MAST4: variants seen among roughly 807,000 people sequenced by gnomAD.
MAST4 encodes microtubule-associated serine/threonine-protein kinase 4.
A neutral mutation model predicts 162.7 loss-of-function variants in MAST4; 89 were observed. That is an observed-to-expected ratio of 0.55 (90% CI 0.46 to 0.65). MAST4 has a LOEUF of 0.65. Ranked by LOEUF, MAST4 falls within the 30% of genes least tolerant of loss-of-function variation. The pLI, the probability that MAST4 is intolerant of heterozygous loss-of-function variation, is 0.00. For synonymous variants in MAST4, 1,479 were observed against 1,361.1 expected, an observed-to-expected ratio of 1.09 and a Z score of -1.91; for missense variants, 3,153 against 3,374.0, an observed-to-expected ratio of 0.93 and a Z score of 1.62.
intron 3 of MAST4, among the ~76,000 whole-genome samples, chr5:66,871,198 T>C (rs1561400109): frequency 6.6e-6 from 1 of 152,198 alleles, no homozygotes. Context: ...TATATAGTTG[T>C]ATTATGTAGT....
At chr5:66,616,429 G>C (rs1297668622) in intron 1 of MAST4, among the ~76,000 whole-genome samples, 5 of 152,216 alleles carry the variant, frequency 3.3e-5, no homozygotes, top group African/African-American at 1.2e-4. Context: ...TAGCTGGCCA[G>C]TTGTCACCCA....
chr5:66,804,291 A>G (rs991743503), intron 3 of MAST4, among the ~76,000 whole-genome samples: 7 of 152,168 alleles, frequency 4.6e-5, no homozygotes, highest in Admixed American at 6.5e-5. Context: ...ATAAATCACA[A>G]TTCCCCAGTG....
intron 1 of MAST4, among the ~76,000 whole-genome samples, chr5:66,615,696 C>G (rs1342481486): frequency 6.6e-6 from 1 of 151,948 alleles, no homozygotes; most frequent in Non-Finnish European, 1.5e-5. Context: ...GCCTGTAGTC[C>G]CAGCTACTTG....
rs191194229 is a variant in MAST4, at chr5:67,058,299, C to T, written c.763+3807C>T. 7.9e-5 allele frequency among the ~76,000 whole-genome samples: 12 copies of T among 152,226 alleles called. No individual in the cohort carries two copies. In the East Asian group the frequency reaches 2.3e-3, roughly 29 times the overall value. ...CAGTGATAGCAAAGATATGGGAAAGCGGTCCCTTTCCCATGATCTAAGGGT... is the reference window on the plus strand; with the variant it reads ...CAGTGATAGCAAAGATATGGGAAAGTGGTCCCTTTCCCATGATCTAAGGGT... On this transcript the variant is annotated intron_variant, in intron 5 of 28. Transcript: ENST00000403625.
intron 4 of MAST4, chr5:66,930,607 T>C: frequency 4.8e-6 from 2 of 417,420 alleles, no homozygotes; most frequent in Non-Finnish European, 9.8e-6. Context: ...ATTAGGAAGT[T>C]TAAAATTTTT....
chr5:66,778,713 A>G (rs190022708), intron 2 of MAST4, among the ~76,000 whole-genome samples: 56 of 152,324 alleles, frequency 3.7e-4, no homozygotes, highest in Admixed American at 1.6e-3. Flanking sequence ...GGGTGAAAAG[A>G]TGACTTTATC....
chr5:66,721,697 T>G (rs1751220228), intron 1 of MAST4, among the ~76,000 whole-genome samples: 3 of 150,646 alleles, frequency 2.0e-5, no homozygotes, highest in Non-Finnish European at 4.4e-5. Flanking sequence ...GAACTCCAGA[T>G]GTGCACATCT....
chr5:66,845,156 A>G (rs1758755491), intron 3 of MAST4, among the ~76,000 whole-genome samples: 1 of 128,306 alleles, frequency 7.8e-6, no homozygotes, highest in Admixed American at 8.5e-5. Flanking sequence ...TCTAGGTTAC[A>G]TGTGCACAAC....
At chr5:67,048,773 A>G (rs1009177934) in intron 4 of MAST4, among the ~76,000 whole-genome samples, 1 of 151,764 alleles carries the variant, frequency 6.6e-6, no homozygotes, top group Non-Finnish European at 1.5e-5. Flanking sequence ...TAAATCACCT[A>G]GTCAATAGAA....
At chr5:66,704,827 T>G (rs1750025411) in intron 1 of MAST4, among the ~76,000 whole-genome samples, 1 of 152,198 alleles carries the variant, frequency 6.6e-6, no homozygotes, top group African/African-American at 2.4e-5. Flanking sequence ...TTGTTCTTGC[T>G]CCTTCACTTT....
At chr5:66,962,727 A>G (rs907469472) in intron 4 of MAST4, among the ~76,000 whole-genome samples, 2 of 152,170 alleles carry the variant, frequency 1.3e-5, no homozygotes, top group Non-Finnish European at 2.9e-5. Context: ...AACAAAAGAC[A>G]GGAAAGAAAC....
At chr5:66,837,874 ATATATATATATATATATATATTTTTTTT>A (rs1758094855) in intron 3 of MAST4, among the ~76,000 whole-genome samples, 1 of 44,982 alleles carries the variant, frequency 2.2e-5, no homozygotes, top group Admixed American at 2.6e-4. Flanking sequence ...TTATATATAT[ATATATATATATATATATATATTTTTTTT>A]TTTTTTTTTT....
chr5:66,994,576 CA>C (rs1278022038), intron 4 of MAST4, among the ~76,000 whole-genome samples: 2 of 152,082 alleles, frequency 1.3e-5, no homozygotes, highest in African/African-American at 4.8e-5. Flanking sequence ...GTTTTTTGAT[CA>C]CCAGGAACTT....
At chr5:66,646,945 T>A (rs1561235554) in intron 1 of MAST4, among the ~76,000 whole-genome samples, 1 of 152,220 alleles carries the variant, frequency 6.6e-6, no homozygotes, top group East Asian at 1.9e-4. Context: ...AACCTTTAAA[T>A]AAGATGTCTT....
chr5:67,023,515 C>G (rs1450576432), intron 4 of MAST4, among the ~76,000 whole-genome samples: 1 of 152,126 alleles, frequency 6.6e-6, no homozygotes, highest in African/African-American at 2.4e-5. Context: ...CTTAAAGATA[C>G]ATCTAGGTGG....
intron 3 of MAST4, among the ~76,000 whole-genome samples, chr5:66,867,853 T>C (rs912604871): frequency 7.9e-5 from 12 of 152,338 alleles, no homozygotes; most frequent in African/African-American, 2.9e-4. Flanking sequence ...CTGATGTTGA[T>C]GGCATTAACC....
chr5:66,962,373 G>A (rs1342710856), intron 4 of MAST4, among the ~76,000 whole-genome samples: 1 of 152,220 alleles, frequency 6.6e-6, no homozygotes, highest in Non-Finnish European at 1.5e-5. Context: ...GAGCCCAGCA[G>A]TTCAAGTTCG....
intron 1 of MAST4, among the ~76,000 whole-genome samples, chr5:66,649,978 CT>C (rs10713389): frequency 0.071 from 10,651 of 149,992 alleles, 420 homozygotes; most frequent in Admixed American, 0.12. Context: ...ACCAATTCAC[CT>C]TTTTTTTTTC....
chr5:66,661,979 A>T (rs1303264455), intron 1 of MAST4, among the ~76,000 whole-genome samples: 2 of 152,130 alleles, frequency 1.3e-5, no homozygotes, highest in Non-Finnish European at 2.9e-5. Flanking sequence ...ATCAGAAGAG[A>T]GTCATGCATT....
Sources: allele counts gnomAD v4.1 joint callset (sites outside exome capture counted in the v4.1 genomes callset), GRCh38; gene constraint gnomAD v4.1.1; transcripts MANE v1.5; gene names NCBI Gene and HGNC (gene_info 2026-07-23, HGNC 2026-07-21).